Variants in LMO7 observed in about 807,000 individuals in gnomAD.
The protein encoded by LMO7 is LIM domain 7, also known as LIM domain only protein 7.
A neutral mutation model predicts 206.5 loss-of-function variants in LMO7; 120 were observed. The ratio of observed to expected loss-of-function variants is 0.58; its 90% CI spans 0.50 to 0.68. The LOEUF is 0.68. Among genes scored for constraint, LMO7 ranks in the 30% least tolerant of loss-of-function variants. The pLI is 0.00. For missense variants in LMO7, 1,959 were observed against 1,957.9 expected (o/e 1.00, Z -0.01); for synonymous variants, 706 against 681.5 (o/e 1.04, Z -0.56).
At chr13:75,833,939 C>T (rs767847672) in intron 16 of LMO7, among the ~76,000 whole-genome samples, 7 of 151,942 alleles carry the variant, frequency 4.6e-5, no homozygotes, top group Non-Finnish European at 1.0e-4. Flanking sequence ...TTAAGAGTAA[C>T]TTAAATTTTT....
At chr13:75,658,783 G>T (rs923400480) in intron 1 of LMO7, among the ~76,000 whole-genome samples, 1 of 151,612 alleles carries the variant, frequency 6.6e-6, no homozygotes, top group African/African-American at 2.4e-5. Context: ...TAGAGACGGG[G>T]TTTCACTGTG....
At chr13:75,654,876 C>CTTTTTTT (rs60476451) in intron 1 of LMO7, among the ~76,000 whole-genome samples, 1 of 141,152 alleles carries the variant, frequency 7.1e-6, no homozygotes. Flanking sequence ...TCTCTTCTCT[C>CTTTTTTT]TTTTTTTTTT....
At chr13:75,833,296 A>G (rs1354376877) in intron 16 of LMO7, 131 bp downstream of exon 16, 1 of 628,758 alleles carries the variant, frequency 1.6e-6, no homozygotes, top group Non-Finnish European at 2.9e-6. Flanking sequence ...ATAAGGCCAG[A>G]AAATACATCC....
rs1434062752 is a variant in LMO7 at position 75,838,195 on chromosome 13, A to G, written c.3450A>G (p.Gln1150=). The G allele has an allele frequency of 1.2e-6, 2 of 1,606,518 alleles. No individual in the cohort carries two copies. Among genetic ancestry groups the G allele is most frequent in the Non-Finnish European group, 1.7e-6 (2 of 1,173,438 alleles). Residue 1150 remains glutamine (Q), a splice_region_variant and synonymous_variant, in exon 20 of 31, where the codon CAA becomes CAG. Coordinates refer to ENST00000377534, the MANE Select transcript of LMO7 (RefSeq NM_001306080.2). ...NLKRRSQFFE[Q]GSSDSVVPDL... The stretch of plus-strand genomic sequence containing the variant: ...AAAGGCGATCACAATTTTTTGAACA[A>G]GGTAAACCACAAAGCTAACAATTCA...
intron 1 of LMO7, among the ~76,000 whole-genome samples, chr13:75,704,223 T>A (rs2042493686): frequency 6.6e-6 from 1 of 152,208 alleles, no homozygotes; most frequent in Admixed American, 6.5e-5. Context: ...ACGTGAACAC[T>A]TAGTTATCTC....
At chr13:75,647,842 G>T (rs1302507154) in intron 1 of LMO7, among the ~76,000 whole-genome samples, 3 of 152,056 alleles carry the variant, frequency 2.0e-5, no homozygotes, top group African/African-American at 7.2e-5. Context: ...ACACAAAACT[G>T]AGGGTGGAGG....
At position 75,805,660 on chromosome 13, in the gene LMO7, G is replaced by A. The variant is rs149414620; in HGVS notation, c.1096G>A (p.Asp366Asn). The A allele has an allele frequency of 1.5e-5, 24 of 1,614,056 alleles. No homozygotes were observed. In the East Asian group the frequency reaches 5.3e-4, roughly 36 times the overall value. The change falls in exon 9 of 31, where the codon GAT (aspartate) becomes AAT (asparagine). Residue 366 changes from aspartate to asparagine, a missense_variant. Physicochemically the swap from Asp to Asn is conservative, Grantham distance 23. Coordinates refer to ENST00000377534, the MANE Select transcript of LMO7 (RefSeq NM_001306080.2). ...PVMPNPGNAFDQFLPKCWTPE... is the reference protein window; with the variant it reads ...PVMPNPGNAFNQFLPKCWTPE... ...CATGCCAAACCCAGGGAATGCTTTT[G>A]ATCAGTTTCTTCCCAAATGTTGGAC... is the stretch of plus-strand genomic sequence containing the variant.
chr13:75,800,647 A>T (rs374643092), intron 6 of LMO7, 37 bp from the exon 7 acceptor site: 3 of 1,576,100 alleles, frequency 1.9e-6, no homozygotes, highest in African/African-American at 1.4e-5. Context: ...TTGGAAGTTT[A>T]TTTAACTTAC....
intron 15 of LMO7, 21 bp from the exon 16 acceptor site, chr13:75,833,030 C>T (rs770766932): frequency 7.2e-7 from 1 of 1,385,866 alleles, no homozygotes; most frequent in Middle Eastern, 1.8e-4. Context: ...CGGATACCAG[C>T]GTTTCATGTT....
At chr13:75,715,610 A>G (rs1280614695) in intron 2 of LMO7, among the ~76,000 whole-genome samples, 1 of 152,202 alleles carries the variant, frequency 6.6e-6, no homozygotes, top group African/African-American at 2.4e-5. Flanking sequence ...AAAGTCCTGC[A>G]TAATATTTTT....
intron 20 of LMO7, chr13:75,838,598 C>T: frequency 5.1e-6 from 1 of 196,784 alleles, no homozygotes; most frequent in Non-Finnish European, 1.0e-5. Flanking sequence ...TGCAATTGGC[C>T]AAGTTTTTAA....
At chr13:75,727,280 G>GC (rs1440878894) in intron 3 of LMO7, among the ~76,000 whole-genome samples, 182 bp downstream of exon 3, 1 of 151,694 alleles carries the variant, frequency 6.6e-6, no homozygotes, top group African/African-American at 2.4e-5. Flanking sequence ...TTTCCCTTTT[G>GC]CCTGGAGGCT....
upstream of LMO7, chr13:75,635,825 T>G (rs735822): frequency 0.5 from 76,370 of 151,932 alleles, 19,646 homozygotes; most frequent in Admixed American, 0.61. Context: ...GGGACGGCGC[T>G]CACCTGGCGG....
chr13:75,666,577 G>A (rs1046976590), intron 1 of LMO7, among the ~76,000 whole-genome samples: 6 of 152,118 alleles, frequency 3.9e-5, no homozygotes, highest in Non-Finnish European at 8.8e-5. Context: ...CCCCTGAAAT[G>A]ATTCTCCCCT....
At chr13:75,742,175 G>A (rs765387156) in intron 3 of LMO7, among the ~76,000 whole-genome samples, 3 of 152,150 alleles carry the variant, frequency 2.0e-5, no homozygotes, top group Non-Finnish European at 2.9e-5. Context: ...CCAGGGACGT[G>A]AAAGATCTCT....
chr13:75,848,865 A>T, intron 26 of LMO7: 2 of 494,680 alleles, frequency 4.0e-6, no homozygotes, highest in Non-Finnish European at 7.3e-6. Flanking sequence ...ACTAGTTTAC[A>T]TTCCCACCAG....
intron 2 of LMO7, among the ~76,000 whole-genome samples, chr13:75,715,357 C>T (rs1203405948): frequency 6.6e-6 from 1 of 152,196 alleles, no homozygotes; most frequent in Non-Finnish European, 1.5e-5. Flanking sequence ...CAACAGCAAA[C>T]ATTTGGATGA....
At chr13:75,731,171 T>A (rs186105650) in intron 3 of LMO7, among the ~76,000 whole-genome samples, 3 of 152,284 alleles carry the variant, frequency 2.0e-5, no homozygotes, top group Middle Eastern at 3.4e-3. Flanking sequence ...CGAGTTCAAT[T>A]CCTGGGTATC....
chr13:75,738,596 T>G (rs1253763082), intron 3 of LMO7, among the ~76,000 whole-genome samples: 7 of 152,218 alleles, frequency 4.6e-5, no homozygotes, highest in Non-Finnish European at 1.0e-4. Context: ...AAAGCCATGT[T>G]TTTTAAAAAA....
Sources: gnomAD v4.1 joint callset for allele counts (sites outside exome capture counted in the v4.1 genomes callset) on GRCh38, gnomAD v4.1.1 for gene constraint, MANE v1.5 for transcripts, NCBI Gene and HGNC (gene_info 2026-07-23, HGNC 2026-07-21) for gene names.